MTUS2: variants seen among roughly 807,000 people sequenced by gnomAD.
The protein encoded by MTUS2 is microtubule associated scaffold protein 2.
MTUS2 carries 40 observed loss-of-function variants against 114.1 expected under a neutral mutation model. That is an observed-to-expected ratio of 0.35 (90% CI 0.27 to 0.46). The LOEUF is 0.46. Ranked by LOEUF, MTUS2 falls within the 20% of genes least tolerant of loss-of-function variation. The pLI, the probability that MTUS2 is intolerant of heterozygous loss-of-function variation, is 1.00. For synonymous variants in MTUS2, 688 were observed against 672.0 expected (o/e 1.02, Z -0.37); for missense variants, 1,679 against 1,705.4 (o/e 0.98, Z 0.27).
chr13:29,488,033 C>T (rs1555285663), intron 11 of MTUS2, 28 bp downstream of exon 11: 2 of 1,566,756 alleles, frequency 1.3e-6, no homozygotes, highest in South Asian at 2.2e-5. Context: ...GTGCAGCAGG[C>T]AGGGGTGGGT....
intron 5 of MTUS2, among the ~76,000 whole-genome samples, chr13:29,210,078 A>G (rs1177366769): frequency 2.6e-5 from 4 of 152,194 alleles, no homozygotes; most frequent in African/African-American, 9.6e-5. Flanking sequence ...AGGTTTGGTC[A>G]TTAAACATAA....
rs770349184 is a variant in MTUS2 at position 29,359,437 on chromosome 13, T to C, written c.3081T>C (p.Asp1027=). The change falls in exon 8 of 16, where the codon GAT becomes GAC. Residue 1027 remains aspartate (D), a synonymous_variant. Transcript: ENST00000612955. ...TGAAGAGGGCCATCTGCGGCTTTGATGCCCTCGCCGTGGCCACGCAGCATT... is the reference window on the plus strand; with the variant it reads ...TGAAGAGGGCCATCTGCGGCTTTGACGCCCTCGCCGTGGCCACGCAGCATT... ...GELKRAICGF[D]ALAVATQHFF... 1 of 1,612,874 alleles carries C rather than the reference T, an allele frequency of 6.2e-7. No homozygotes were observed. The highest frequency in any genetic ancestry group is 1.1e-5 in the South Asian group (1 of 90,852).
chr13:28,842,797 T>C (rs947418395), intron 2 of MTUS2, among the ~76,000 whole-genome samples: 2 of 152,154 alleles, frequency 1.3e-5, no homozygotes, highest in Admixed American at 6.5e-5. Context: ...TGATGTGTGC[T>C]TAATGGGATG....
At chr13:29,107,681 C>G (rs1047895543) in intron 5 of MTUS2, among the ~76,000 whole-genome samples, 3 of 152,122 alleles carry the variant, frequency 2.0e-5, no homozygotes, top group Non-Finnish European at 4.4e-5. Flanking sequence ...ACCTATATAT[C>G]TCCTTGGATA....
intron 2 of MTUS2, among the ~76,000 whole-genome samples, chr13:29,013,146 G>A (rs1389540499): frequency 6.6e-6 from 1 of 152,200 alleles, no homozygotes; most frequent in East Asian, 1.9e-4. Context: ...GATTCGGGGT[G>A]TTTCCTTTTC....
At chr13:29,049,315 G>A (rs1365261637) in intron 4 of MTUS2, among the ~76,000 whole-genome samples, 2 of 152,180 alleles carry the variant, frequency 1.3e-5, no homozygotes, top group African/African-American at 4.8e-5. Flanking sequence ...GAGTACTAGT[G>A]CCAGGGAGGC....
chr13:29,175,804 G>A (rs1893748749), intron 5 of MTUS2, among the ~76,000 whole-genome samples: 1 of 151,418 alleles, frequency 6.6e-6, no homozygotes, highest in Non-Finnish European at 1.5e-5. Flanking sequence ...TCACAACAGA[G>A]GTTTGCTTAT....
intron 9 of MTUS2, among the ~76,000 whole-genome samples, chr13:29,471,080 C>T (rs1183912812): frequency 2.6e-5 from 4 of 152,250 alleles, no homozygotes; most frequent in African/African-American, 4.8e-5. Flanking sequence ...GGGTGGCTCA[C>T]ACCTGTGATC....
intron 2 of MTUS2, among the ~76,000 whole-genome samples, chr13:28,893,909 G>C (rs893307611): frequency 6.6e-6 from 1 of 152,144 alleles, no homozygotes; most frequent in African/African-American, 2.4e-5. Flanking sequence ...GATCGACATT[G>C]TTTTGGTTTT....
At chr13:29,361,797 A>G (rs1051919823) in intron 8 of MTUS2, among the ~76,000 whole-genome samples, 3 of 152,198 alleles carry the variant, frequency 2.0e-5, no homozygotes, top group African/African-American at 7.2e-5. Flanking sequence ...TAGCCTGAAA[A>G]TGCATGATCT....
chr13:28,879,920 C>T (rs1195547757), intron 2 of MTUS2, among the ~76,000 whole-genome samples: 3 of 152,010 alleles, frequency 2.0e-5, no homozygotes, highest in Non-Finnish European at 2.9e-5. Flanking sequence ...GATAAGGAAG[C>T]AAGAAGTTGA....
chr13:29,263,192 C>A (rs986572465), intron 5 of MTUS2, among the ~76,000 whole-genome samples: 2 of 152,146 alleles, frequency 1.3e-5, no homozygotes, highest in African/African-American at 4.8e-5. Context: ...CAGAAGAGCT[C>A]AAGGAGACTA....
At chr13:29,014,327 C>G (rs1397889328) in intron 2 of MTUS2, among the ~76,000 whole-genome samples, 2 of 152,218 alleles carry the variant, frequency 1.3e-5, no homozygotes, top group Admixed American at 1.3e-4. Flanking sequence ...CTTCTCACTT[C>G]TAACATTCAG....
chr13:28,895,062 AAT>A (rs1879184632), intron 2 of MTUS2, among the ~76,000 whole-genome samples: 1 of 152,256 alleles, frequency 6.6e-6, no homozygotes, highest in Non-Finnish European at 1.5e-5. Context: ...CTCTTCTAAA[AAT>A]CATTTGTTCA....
chr13:29,306,067 G>A (rs4769713), intron 6 of MTUS2, among the ~76,000 whole-genome samples: 137,350 of 152,238 alleles, frequency 0.9, 62,341 homozygotes, highest in East Asian at 0.98. Flanking sequence ...TTCAGAAAAG[G>A]CCTTTAATAA....
At chr13:29,454,688 C>G (rs1400359483) in intron 9 of MTUS2, among the ~76,000 whole-genome samples, 2 of 152,164 alleles carry the variant, frequency 1.3e-5, no homozygotes, top group East Asian at 3.9e-4. Flanking sequence ...AAATTGTAAT[C>G]AGTGGCTGCT....
intron 2 of MTUS2, among the ~76,000 whole-genome samples, chr13:29,018,100 A>C (rs764815132): frequency 4.6e-5 from 7 of 152,198 alleles, no homozygotes; most frequent in Non-Finnish European, 7.3e-5. Context: ...GAAAGGTTTC[A>C]TGAAGTAGGT....
chr13:29,267,797 G>C (rs946989707), intron 5 of MTUS2, among the ~76,000 whole-genome samples: 1 of 152,164 alleles, frequency 6.6e-6, no homozygotes, highest in Non-Finnish European at 1.5e-5. Context: ...TCCGAGGGTT[G>C]TGGGGAGAAA....
At chr13:29,349,323 T>C (rs1333657564) in intron 7 of MTUS2, among the ~76,000 whole-genome samples, 1 of 152,174 alleles carries the variant, frequency 6.6e-6, no homozygotes, top group Non-Finnish European at 1.5e-5. Context: ...CCATCTCTCT[T>C]CTGGCATTTG....
Sources: gnomAD v4.1 joint callset for allele counts (sites outside exome capture counted in the v4.1 genomes callset) on GRCh38, gnomAD v4.1.1 for gene constraint, MANE v1.5 for transcripts, NCBI Gene and HGNC (gene_info 2026-07-23, HGNC 2026-07-21) for gene names.